Variants in ZBTB46 observed in about 807,000 individuals in gnomAD.
ZBTB46 encodes the protein zinc finger and BTB domain containing 46.
A neutral mutation model predicts 44.1 loss-of-function variants in ZBTB46; 8 were observed. The observed-to-expected ratio is 0.18, with a 90% CI of 0.11 to 0.33. The LOEUF is 0.33. Among genes scored for constraint, ZBTB46 ranks in the 10% least tolerant of loss-of-function variants. The pLI is 1.00. For synonymous variants in ZBTB46, 409 were observed against 382.3 expected, an observed-to-expected ratio of 1.07 and a Z score of -0.81; for missense variants, 651 against 847.7, an observed-to-expected ratio of 0.77 and a Z score of 2.88.
At chr20:63,780,398 G>A (rs894565165) in intron 2 of ZBTB46, among the ~76,000 whole-genome samples, 1 of 152,154 alleles carries the variant, frequency 6.6e-6, no homozygotes, top group Non-Finnish European at 1.5e-5. Flanking sequence ...ATAATCCTAT[G>A]TAAAAAGTGA....
chr20:63,768,388 C>T (rs2092338361), intron 3 of ZBTB46, among the ~76,000 whole-genome samples: 1 of 152,144 alleles, frequency 6.6e-6, no homozygotes, highest in South Asian at 2.1e-4. Flanking sequence ...GTCAGGAGTT[C>T]AAGACCAGCC....
chr20:63,769,474 C>A, intron 3 of ZBTB46: 1 of 982,106 alleles, frequency 1.0e-6, no homozygotes, highest in South Asian at 4.7e-5. Flanking sequence ...ACGATCTTCC[C>A]GGCATGCGGT....
chr20:63,763,869 T>G (rs1034793986), intron 3 of ZBTB46, among the ~76,000 whole-genome samples: 1 of 152,242 alleles, frequency 6.6e-6, no homozygotes, highest in Non-Finnish European at 1.5e-5. Context: ...TGCTTCTATT[T>G]AGGTTTAAAA....
intron 3 of ZBTB46, among the ~76,000 whole-genome samples, chr20:63,757,311 C>T (rs993872808): frequency 6.6e-6 from 1 of 152,244 alleles, no homozygotes; most frequent in East Asian, 1.9e-4. Flanking sequence ...TCAGTAGAGA[C>T]GCGGTTTCGC....
chr20:63,806,401 C>T, intron 1 of ZBTB46, among the ~76,000 whole-genome samples: 1 of 139,960 alleles, frequency 7.1e-6, no homozygotes, highest in Admixed American at 7.3e-5. Flanking sequence ...CAGTGAAACT[C>T]CATCTCAAAA....
At chr20:63,826,016 C>A (rs747845960) in intron 1 of ZBTB46, among the ~76,000 whole-genome samples, 1 of 152,234 alleles carries the variant, frequency 6.6e-6, no homozygotes, top group Non-Finnish European at 1.5e-5. Context: ...AGTTCCTAAG[C>A]CCTCTGCACG....
At chr20:63,781,494 C>T (rs968295763) in intron 2 of ZBTB46, among the ~76,000 whole-genome samples, 5 of 152,182 alleles carry the variant, frequency 3.3e-5, no homozygotes, top group African/African-American at 9.7e-5. Flanking sequence ...AAATGCAAAT[C>T]AAAGACCATA....
At chr20:63,773,815 G>C (rs1292947117) in intron 3 of ZBTB46, among the ~76,000 whole-genome samples, 1 of 152,188 alleles carries the variant, frequency 6.6e-6, no homozygotes, top group Non-Finnish European at 1.5e-5. Flanking sequence ...CGCTCCATCT[G>C]ACCGGCTGGC....
chr20:63,803,655 G>A lies in ZBTB46; in HGVS notation c.-33-12865C>T, dbSNP rs578151021. On this transcript the variant is annotated intron_variant, in intron 1 of 4. Coordinates refer to ENST00000245663, the MANE Select transcript of ZBTB46 (RefSeq NM_001369741.1). This position sits in a 1 kb window ranked among gnomAD's most constrained non-coding sequence, Gnocchi z 4.0. Reference sequence around the variant, plus strand: ...CTTTCAGTTCCTTCATCTCCAGCCCGGCTCTGACGCCCAGGCCGCCTCCTC... The same window carrying A: ...CTTTCAGTTCCTTCATCTCCAGCCCAGCTCTGACGCCCAGGCCGCCTCCTC... Among the ~76,000 whole-genome samples, 2 of 150,590 alleles carry A rather than the reference G, an allele frequency of 1.3e-5. No homozygotes were observed. Among genetic ancestry groups the A allele is most frequent in the South Asian group, 4.3e-4 (2 of 4,614 alleles).
At chr20:63,794,933 G>A (rs1048012011) in intron 1 of ZBTB46, among the ~76,000 whole-genome samples, 2 of 152,210 alleles carry the variant, frequency 1.3e-5, no homozygotes, top group African/African-American at 2.4e-5. Context: ...TCAGGTCCCC[G>A]TGTGGCACCC....
At chr20:63,769,371 A>G in intron 3 of ZBTB46, 1 of 985,404 alleles carries the variant, frequency 1.0e-6, no homozygotes, top group Non-Finnish European at 1.2e-6. Flanking sequence ...GACCCTCACA[A>G]GGGACCCAGG....
At chr20:63,762,527 G>A (rs564927204) in intron 3 of ZBTB46, among the ~76,000 whole-genome samples, 2 of 152,016 alleles carry the variant, frequency 1.3e-5, no homozygotes, top group African/African-American at 2.4e-5. Context: ...GGTGGCACGC[G>A]CCTGTACTGC....
At position 63,752,919 on chromosome 20, in the gene ZBTB46, C is replaced by T. The variant is rs2145770121; in HGVS notation, c.1223-58G>A. 2.6e-6 allele frequency: 4 copies of T among 1,526,244 alleles called. No individual in the cohort carries two copies. The Middle Eastern group carries it at 5.6e-4, about 215-fold the overall frequency. 94.5% of individuals were successfully genotyped at this position (1,526,244 alleles called of 1,614,324 possible). On this transcript the variant is annotated intron_variant, in intron 3 of 4. Transcript: ENST00000245663. This position sits in a 1 kb window ranked among gnomAD's most constrained non-coding sequence, Gnocchi z 5.6. Reference sequence around the variant, plus strand: ...GGCTTGGGATGTACCGCCCTGCGGCCCACAGACCACGGCTGCACGCCGCAG... The same window carrying T: ...GGCTTGGGATGTACCGCCCTGCGGCTCACAGACCACGGCTGCACGCCGCAG...
At chr20:63,791,986 C>G (rs950439777) in intron 1 of ZBTB46, among the ~76,000 whole-genome samples, 1 of 152,202 alleles carries the variant, frequency 6.6e-6, no homozygotes, top group South Asian at 2.1e-4. Context: ...GCCCCTCCCC[C>G]AGCCGGCGTT....
chr20:63,820,724 G>A (rs1021699393), intron 1 of ZBTB46, among the ~76,000 whole-genome samples: 3 of 151,742 alleles, frequency 2.0e-5, no homozygotes, highest in South Asian at 2.1e-4. Context: ...GAGCCACCGC[G>A]CCCAGCCTAT....
intron 1 of ZBTB46, among the ~76,000 whole-genome samples, chr20:63,797,972 G>A (rs1284093775): frequency 6.6e-6 from 1 of 152,176 alleles, no homozygotes; most frequent in African/African-American, 2.4e-5. Context: ...TCTGATGGTA[G>A]TTTCTTTTGC....
At chr20:63,802,931 G>A (rs1013852801) in intron 1 of ZBTB46, among the ~76,000 whole-genome samples, 1 of 152,222 alleles carries the variant, frequency 6.6e-6, no homozygotes, top group Non-Finnish European at 1.5e-5. Flanking sequence ...CAGGACTGGA[G>A]GGAACAGATG....
Position 63,767,856 on chromosome 20 carries a change from G to A in ZBTB46, c.1222+7822C>T. On this transcript the variant is annotated intron_variant, in intron 3 of 4. Transcript: ENST00000245663. The surrounding 1 kb of genome is among the most constrained non-coding windows in gnomAD (Gnocchi z 5.0). ...GGGCAAGTCCATCCAGGCCTGGGCTGGAAGAAGACTCCTCAGGCATCCTGG... is the reference window on the plus strand; with the variant it reads ...GGGCAAGTCCATCCAGGCCTGGGCTAGAAGAAGACTCCTCAGGCATCCTGG... The A allele has an allele frequency of 2.0e-6, 2 of 983,540 alleles. No individual in the cohort carries two copies. Among genetic ancestry groups the A allele is most frequent in the Non-Finnish European group, 2.4e-6 (2 of 828,216 alleles). 60.9% of individuals were successfully genotyped at this position (983,540 alleles called of 1,614,324 possible).
chr20:63,823,722 C>A (rs2092804898), intron 1 of ZBTB46, among the ~76,000 whole-genome samples: 1 of 151,812 alleles, frequency 6.6e-6, no homozygotes, highest in Non-Finnish European at 1.5e-5. Context: ...TAATTCAGAC[C>A]AGAAAAAAGG....
Sources: gnomAD v4.1 joint callset for allele counts (sites outside exome capture counted in the v4.1 genomes callset) on GRCh38, gnomAD v4.1.1 for gene constraint, Gnocchi (gnomAD v3.1) non-coding constraint, MANE v1.5 for transcripts, NCBI Gene and HGNC (gene_info 2026-07-23, HGNC 2026-07-21) for gene names.